The following PPP2R3A variants were observed in gnomAD, a reference collection of about 807,000 sequenced individuals.
PPP2R3A encodes the protein serine/threonine-protein phosphatase 2A regulatory subunit B'' subunit alpha.
PPP2R3A carries 80 observed loss-of-function variants against 106.9 expected under a neutral mutation model. The ratio of observed to expected loss-of-function variants is 0.75; its 90% confidence interval spans 0.62 to 0.90. PPP2R3A has a LOEUF of 0.90. Among genes scored for constraint, PPP2R3A ranks in the 40% least tolerant of loss-of-function variants. The pLI, the probability that PPP2R3A is intolerant of heterozygous loss-of-function variation, is 0.00. For synonymous variants in PPP2R3A, 483 were observed against 468.3 expected, an observed-to-expected ratio of 1.03 and a Z score of -0.41; for missense variants, 1,386 against 1,350.4, an observed-to-expected ratio of 1.03 and a Z score of -0.41.
At chr3:136,068,267 C>A (rs573877770) in intron 5 of PPP2R3A, among the ~76,000 whole-genome samples, 5 of 152,080 alleles carry the variant, frequency 3.3e-5, no homozygotes, top group African/African-American at 1.2e-4. Flanking sequence ...TCCTAATGGC[C>A]AAAGCTACAT....
chr3:136,118,971 T>C (rs1235240456), intron 13 of PPP2R3A, among the ~76,000 whole-genome samples: 1 of 152,078 alleles, frequency 6.6e-6, no homozygotes, highest in Non-Finnish European at 1.5e-5. Context: ...CTTCAAACTA[T>C]ACTACAAGGC....
Position 136,145,671 on chromosome 3 carries a change from T to G in PPP2R3A, c.*505T>G, listed in dbSNP as rs1939091068. 1 of 152,790 alleles carries G rather than the reference T, an allele frequency of 6.5e-6. No individual in the cohort carries two copies. 9.5% of individuals were successfully genotyped at this position (152,790 alleles called of 1,614,324 possible). On this transcript the variant is annotated 3_prime_UTR_variant, in exon 14 of 14. Coordinates refer to ENST00000264977, the MANE Select transcript of PPP2R3A (RefSeq NM_002718.5). ...GCCAAAACATCTCAGAGACTTCTTTTATGTATACTGGAGTTCAAAGATCTT... is the reference window on the plus strand; with the variant it reads ...GCCAAAACATCTCAGAGACTTCTTTGATGTATACTGGAGTTCAAAGATCTT...
intron 2 of PPP2R3A, among the ~76,000 whole-genome samples, chr3:136,020,446 TAG>T (rs1934425212): frequency 6.6e-6 from 1 of 152,104 alleles, no homozygotes; most frequent in African/African-American, 2.4e-5. Context: ...TTAGTTTCTT[TAG>T]AGAGAGAACA....
chr3:136,140,905 C>CAAAA (rs1192269339), intron 13 of PPP2R3A, among the ~76,000 whole-genome samples: 1 of 152,108 alleles, frequency 6.6e-6, no homozygotes, highest in Non-Finnish European at 1.5e-5. Context: ...GACTCTGTCT[C>CAAAA]AAAAATAAAT....
At chr3:136,115,198 C>A (rs1246556459) in intron 13 of PPP2R3A, among the ~76,000 whole-genome samples, 1 of 152,158 alleles carries the variant, frequency 6.6e-6, no homozygotes, top group Admixed American at 6.5e-5. Context: ...GGAAAACTAA[C>A]AAACAGAAAA....
chr3:135,973,833 A>G (rs1298360478), intron 1 of PPP2R3A, among the ~76,000 whole-genome samples: 1 of 152,210 alleles, frequency 6.6e-6, no homozygotes, highest in Admixed American at 6.5e-5. Context: ...CCGGAGATAT[A>G]GTGCCTTTTA....
chr3:136,114,592 G>A (rs1053842883), intron 13 of PPP2R3A, among the ~76,000 whole-genome samples: 2 of 152,156 alleles, frequency 1.3e-5, no homozygotes, highest in Admixed American at 6.5e-5. Context: ...ACTCCAGCTT[G>A]ATGCAGGGAG....
intron 5 of PPP2R3A, among the ~76,000 whole-genome samples, chr3:136,066,661 G>A (rs1936270092): frequency 6.6e-6 from 1 of 152,214 alleles, no homozygotes; most frequent in Middle Eastern, 3.4e-3. Flanking sequence ...CTCACTTGGC[G>A]AGAGCAGGAG....
chr3:136,087,978 AC>A, intron 9 of PPP2R3A, 47 bp downstream of exon 9: 1 of 1,473,796 alleles, frequency 6.8e-7, no homozygotes, highest in South Asian at 1.2e-5. Context: ...TACAAGTAAT[AC>A]CATAACCATC....
chr3:136,121,786 C>T (rs991730344), intron 13 of PPP2R3A, among the ~76,000 whole-genome samples: 3 of 151,776 alleles, frequency 2.0e-5, no homozygotes, highest in East Asian at 1.9e-4. Flanking sequence ...AAAATGGAAA[C>T]TCAGCAGAAG....
chr3:136,042,158 G>T (rs1234666259), intron 4 of PPP2R3A, among the ~76,000 whole-genome samples: 1 of 152,210 alleles, frequency 6.6e-6, no homozygotes, highest in East Asian at 1.9e-4. Context: ...TGAGAATATA[G>T]TAGGTGATTA....
At chr3:136,028,172 T>C (rs1934735543) in intron 3 of PPP2R3A, among the ~76,000 whole-genome samples, 1 of 152,186 alleles carries the variant, frequency 6.6e-6, no homozygotes, top group Non-Finnish European at 1.5e-5. Context: ...GCCAACCTCC[T>C]CAGCATCCAC....
chr3:136,068,302 A>G (rs1270479870), intron 5 of PPP2R3A, among the ~76,000 whole-genome samples: 1 of 152,196 alleles, frequency 6.6e-6, no homozygotes, highest in Non-Finnish European at 1.5e-5. Flanking sequence ...AAATGATGAT[A>G]GTATAGGATT....
At chr3:136,132,128 C>T (rs1050268656) in intron 13 of PPP2R3A, among the ~76,000 whole-genome samples, 1 of 151,756 alleles carries the variant, frequency 6.6e-6, no homozygotes, top group African/African-American at 2.4e-5. Context: ...CAAATCTGCA[C>T]GTTGTGCACA....
rs775358026 is a variant in PPP2R3A, at chr3:136,002,280, G to A, written c.782G>A (p.Ser261Asn). The A allele has an allele frequency of 6.2e-7, 1 of 1,613,852 alleles. No individual in the cohort carries two copies. The highest frequency in any genetic ancestry group is 1.7e-5 in the Admixed American group (1 of 59,986). The part of the protein sequence containing the change: ...KQCIKKKSGS[S>N]ISEGSGNDTI... ...TGCATAAAGAAAAAATCAGGGAGTA[G>A]CATCAGTGAAGGAAGTGGTAATGAT... Residue 261 changes from serine to asparagine, a missense_variant, in exon 2 of 14, where the codon AGC (serine) becomes AAC (asparagine). Coordinates refer to ENST00000264977, the MANE Select transcript of PPP2R3A (RefSeq NM_002718.5).
At chr3:136,052,580 C>T (rs1022391822) in intron 5 of PPP2R3A, among the ~76,000 whole-genome samples, 1 of 152,172 alleles carries the variant, frequency 6.6e-6, no homozygotes, top group Non-Finnish European at 1.5e-5. Context: ...ACAGTGAATT[C>T]TTTTTCCTGT....
At chr3:136,021,506 A>G (rs1934464490) in intron 2 of PPP2R3A, among the ~76,000 whole-genome samples, 1 of 152,152 alleles carries the variant, frequency 6.6e-6, no homozygotes, top group Non-Finnish European at 1.5e-5. Context: ...AAAAGAAATC[A>G]GTGGGAAAAA....
rs539177862 is a variant in PPP2R3A at position 136,089,342 on chromosome 3, T to A, written c.2838-1236T>A. 2.0e-5 allele frequency among the ~76,000 whole-genome samples: 3 copies of A among 152,248 alleles called. No individual in the cohort carries two copies. In the South Asian group the frequency reaches 6.2e-4, roughly 32 times the overall value. On this transcript the variant is annotated intron_variant, in intron 9 of 13. Coordinates refer to ENST00000264977, the MANE Select transcript of PPP2R3A (RefSeq NM_002718.5). ...AGCACTGTTTATTGAATAGGGAGTC[T>A]TTTTCCCGTTGTTTGTTTTTATCGA...
At chr3:136,038,487 T>C (rs940938528) in intron 3 of PPP2R3A, among the ~76,000 whole-genome samples, 1 of 152,104 alleles carries the variant, frequency 6.6e-6, no homozygotes, top group African/African-American at 2.4e-5. Context: ...CCACAGAAGG[T>C]GGTAAGCACA....
Sources: allele counts gnomAD v4.1 joint callset (sites outside exome capture counted in the v4.1 genomes callset), GRCh38; gene constraint gnomAD v4.1.1; transcripts MANE v1.5; gene names NCBI Gene and HGNC (gene_info 2026-07-23, HGNC 2026-07-21).